The following SLC19A1 variants were observed in gnomAD, a reference collection of about 807,000 sequenced individuals.
SLC19A1 encodes the protein solute carrier family 19 member 1.
In SLC19A1, 37 loss-of-function variants were observed where a neutral mutation model predicts 35.3. That is an observed-to-expected ratio of 1.05 (90% CI 0.81 to 1.38). SLC19A1 has a LOEUF of 1.38. Among genes scored for constraint, SLC19A1 ranks in the 40% most tolerant of loss-of-function variants. The pLI, the probability that SLC19A1 is intolerant of heterozygous loss-of-function variation, is 0.00. For missense variants in SLC19A1, 831 were observed against 826.9 expected, an observed-to-expected ratio of 1.00 and a Z score of -0.06; for synonymous variants, 460 against 398.5, an observed-to-expected ratio of 1.15 and a Z score of -1.84.
rs73907599 is a variant in SLC19A1, at chr21:45,536,255, G to A, written c.189+1516C>T. ...AATGTACAACATGAGAGGGCAGGCA[G>A]ATGGGATTTAAACATTTTTGCTCTA... On this transcript the variant is annotated intron_variant, in intron 2 of 5. Coordinates refer to ENST00000311124, the MANE Select transcript of SLC19A1 (RefSeq NM_194255.4). The A allele has an allele frequency of 3.1e-3, 482 of 154,930 alleles. 2 individuals carry two copies. The highest frequency in any genetic ancestry group is 0.011 in the African/African-American group (466 of 41,642). 9.6% of individuals were successfully genotyped at this position (154,930 alleles called of 1,614,324 possible). A position where few individuals can be genotyped will look rare whatever the true frequency, so the allele number is the denominator to read the frequency against.
chr21:45,507,334 G>A (rs572661973), intron 3 of SLC19A1: 26 of 584,546 alleles, frequency 4.4e-5, no homozygotes, highest in African/African-American at 1.9e-4. Flanking sequence ...TGGCAGGGCC[G>A]GGTGCTGGGC....
chr21:45,552,545 T>C (rs1233400939), intron 1 of SLC19A1, among the ~76,000 whole-genome samples: 1 of 152,102 alleles, frequency 6.6e-6, no homozygotes, highest in Non-Finnish European at 1.5e-5. Flanking sequence ...CAGGCCCGGG[T>C]CTCGGGACCA....
Position 45,515,847 on chromosome 21 carries a change from C to T in SLC19A1, c.1587G>A (p.Pro529=), listed in dbSNP as rs757310341. ...TCAGGAATTCAGCTGCCTGCGGGGC[C>T]GGGGCCTGGGCCAGGTATGGGTCGC... ...RQSDPYLAQA[P]APQAAEFLSP... The change falls in exon 6 of 6, where the codon CCG becomes CCA. Residue 529 remains proline, a synonymous_variant. Coordinates refer to ENST00000311124, the MANE Select transcript of SLC19A1 (RefSeq NM_194255.4). 36 of 1,599,474 alleles carry T rather than the reference C, an allele frequency of 2.3e-5. No homozygotes were observed. The highest frequency in any genetic ancestry group is 6.7e-5 in the East Asian group (3 of 44,640).
Position 45,531,563 on chromosome 21 carries a change from CCAGCTCCCG to C in SLC19A1, c.766_774del (p.Arg256_Leu258del). On this transcript the variant is annotated inframe_deletion, in exon 3 of 6. Coordinates refer to ENST00000311124, the MANE Select transcript of SLC19A1 (RefSeq NM_194255.4). ...AGCTGCGGCCGCCGCAGGCTGTCCC[CCAGCTCCCG>C]CAGCATCCGCGCCAGCACTGAGTCC... 1 of 1,612,348 alleles carries C rather than the reference CCAGCTCCCG, an allele frequency of 6.2e-7. No individual in the cohort carries two copies. The highest frequency in any genetic ancestry group is 8.5e-7 in the Non-Finnish European group (1 of 1,179,694).
chr21:45,521,515 T>G (rs2077437681), intron 5 of SLC19A1, among the ~76,000 whole-genome samples: 1 of 152,214 alleles, frequency 6.6e-6, no homozygotes. Flanking sequence ...ATAGACAAGA[T>G]TACTCTAAAA....
rs575217364 is a variant in SLC19A1 at position 45,506,608 on chromosome 21, G to C, written c.498-7996C>G. ...GGAAGGTTTACCTTCGTGTGGCAAA[G>C]GTGAGGACGGGTAGAAGCCCCATGC... On this transcript the variant is annotated intron_variant, in intron 3 of 4. Transcript: ENST00000417954. The C allele has an allele frequency of 9.1e-4, 163 of 178,622 alleles. 1 individual carries two copies. Among genetic ancestry groups the C allele is most frequent in the African/African-American group, 3.5e-3 (149 of 42,338 alleles). 11.1% of individuals were successfully genotyped at this position (178,622 alleles called of 1,614,324 possible). A position where few individuals can be genotyped will look rare whatever the true frequency, so the allele number is the denominator to read the frequency against.
intron 2 of SLC19A1, among the ~76,000 whole-genome samples, chr21:45,536,912 A>G (rs1358897598): frequency 1.3e-5 from 2 of 152,112 alleles, no homozygotes; most frequent in African/African-American, 4.8e-5. Context: ...CAAGGACCCC[A>G]CAGCTCCAGG....
downstream of SLC19A1, chr21:45,512,507 C>G: frequency 1.0e-6 from 1 of 980,390 alleles, no homozygotes; most frequent in East Asian, 2.6e-5. Flanking sequence ...GGCTGCCATA[C>G]TTTCCTGTAT....
rs535197368 is a variant in SLC19A1, at chr21:45,557,208, C to T, written c.-50+5534G>A. Among the ~76,000 whole-genome samples the T allele has an allele frequency of 3.3e-5, 5 of 152,330 alleles. No homozygotes were observed. The East Asian group carries it at 7.7e-4, about 24-fold the overall frequency. On this transcript the variant is annotated intron_variant, in intron 1 of 5. Transcript: ENST00000650808. ...CCTGGGGCTGCTGAAGCCCTGGCAGCAGGAAGGGATTTGAGATAGAGAACC... is the reference window on the plus strand; with the variant it reads ...CCTGGGGCTGCTGAAGCCCTGGCAGTAGGAAGGGATTTGAGATAGAGAACC...
chr21:45,514,967 AC>A lies in SLC19A1; in HGVS notation c.*690del. 1 of 1,486,746 alleles carries A rather than the reference AC, an allele frequency of 6.7e-7. No individual in the cohort carries two copies. Among genetic ancestry groups the A allele is most frequent in the Non-Finnish European group, 8.9e-7 (1 of 1,121,686 alleles). The allele number at this position is 1,486,746 out of a possible 1,614,324, so 92.1% of individuals were successfully genotyped here. A position where few individuals can be genotyped will look rare whatever the true frequency, so the allele number is the denominator to read the frequency against. On this transcript the variant is annotated 3_prime_UTR_variant, in exon 6 of 6. Transcript: ENST00000311124. The stretch of plus-strand genomic sequence containing the variant: ...GGCACAAGTGTGGGAGCAGCTGAGG[AC>A]CCGCAGGTCAGGATGGACACACTTC...
intron 2 of SLC19A1, among the ~76,000 whole-genome samples, chr21:45,537,150 G>A (rs1046425991): frequency 3.3e-4 from 50 of 152,194 alleles, no homozygotes; most frequent in African/African-American, 9.9e-4. Flanking sequence ...CAGGAGGGCC[G>A]ATGAGCACGG....
rs1045441653 is a variant in SLC19A1 at position 45,517,429 on chromosome 21, T to C, written c.1294-1289A>G. On this transcript the variant is annotated intron_variant, in intron 5 of 5. Transcript: ENST00000311124. This position sits in a 1 kb window ranked among gnomAD's most constrained non-coding sequence, Gnocchi z 4.4. Reference sequence around the variant, plus strand: ...GCGGGGTGGTGTCAGACAACACCAGTGGGCACTAGAGCTTTCACTCCCACT... The same window carrying C: ...GCGGGGTGGTGTCAGACAACACCAGCGGGCACTAGAGCTTTCACTCCCACT... Among the ~76,000 whole-genome samples the C allele has an allele frequency of 2.0e-5, 3 of 151,060 alleles. No homozygotes were observed. The highest frequency in any genetic ancestry group is 2.9e-5 in the Non-Finnish European group (2 of 67,874).
intron 1 of SLC19A1, among the ~76,000 whole-genome samples, chr21:45,550,758 T>C (rs912032828): frequency 3.9e-5 from 6 of 152,154 alleles, no homozygotes; most frequent in African/African-American, 9.7e-5. Flanking sequence ...TCACACGCAG[T>C]AGTGCAGGGG....
At chr21:45,504,194 C>T (rs967584502) in intron 3 of SLC19A1, 31 of 1,037,670 alleles carry the variant, frequency 3.0e-5, no homozygotes, top group Middle Eastern at 5.9e-4. Context: ...CAGAGGGTGT[C>T]GAGGGCGTCC....
downstream of SLC19A1, chr21:45,507,617 G>A: frequency 6.2e-7 from 1 of 1,611,292 alleles, no homozygotes; most frequent in Non-Finnish European, 8.5e-7. Flanking sequence ...TTTCTGTTGA[G>A]ACTGGTGGGT....
intron 4 of SLC19A1, among the ~76,000 whole-genome samples, chr21:45,527,056 A>G (rs2077645625): frequency 6.6e-6 from 1 of 152,288 alleles, no homozygotes; most frequent in South Asian, 2.1e-4. Flanking sequence ...GTCTAGAATG[A>G]AAGTCTTTCA....
intron 3 of SLC19A1, chr21:45,505,104 C>G (rs2037112470): frequency 1.9e-6 from 3 of 1,602,752 alleles, no homozygotes; most frequent in Non-Finnish European, 2.5e-6. Flanking sequence ...CACGAGGTAA[C>G]CAGGAAGCGT....
downstream of SLC19A1, among the ~76,000 whole-genome samples, chr21:45,509,048 C>A (rs986604835): frequency 6.6e-6 from 1 of 152,110 alleles, no homozygotes; most frequent in African/African-American, 2.4e-5. Context: ...GTCAGGGGCC[C>A]TGAATTGGAG....
At chr21:45,548,256 A>G (rs1174084455), upstream of SLC19A1, among the ~76,000 whole-genome samples, 1 of 152,214 alleles carries the variant, frequency 6.6e-6, no homozygotes, top group Non-Finnish European at 1.5e-5. Context: ...CCCTTTCACA[A>G]ACACTAATTT....
Sources: allele counts gnomAD v4.1 joint callset (sites outside exome capture counted in the v4.1 genomes callset), GRCh38; gene constraint gnomAD v4.1.1; non-coding constraint Gnocchi (gnomAD v3.1); transcripts MANE v1.5; gene names NCBI Gene and HGNC (gene_info 2026-07-23, HGNC 2026-07-21).